Variants in FYB2 observed in about 807,000 individuals in gnomAD.
The protein encoded by FYB2 is FYN-binding protein 2.
FYB2 carries 103 observed loss-of-function variants against 94.1 expected under a neutral mutation model. That is an observed-to-expected ratio of 1.09 (90% CI 0.93 to 1.29). The LOEUF is 1.29. Among genes scored for constraint, FYB2 ranks in the 50% most tolerant of loss-of-function variants. FYB2 has a pLI of 0.00. For synonymous variants in FYB2, 293 were observed against 287.9 expected (o/e 1.02, Z -0.18); for missense variants, 896 against 841.5 (o/e 1.06, Z -0.80).
At chr1:56,803,179 T>C (rs975316874) in intron 1 of FYB2, among the ~76,000 whole-genome samples, 1 of 152,200 alleles carries the variant, frequency 6.6e-6, no homozygotes, top group Non-Finnish European at 1.5e-5. Context: ...TAAATCCTAG[T>C]GTGGTCTGAG....
At chr1:56,784,592 T>A (rs973776153) in intron 4 of FYB2, among the ~76,000 whole-genome samples, 2 of 152,208 alleles carry the variant, frequency 1.3e-5, no homozygotes, top group Non-Finnish European at 2.9e-5. Context: ...TAATGCATTT[T>A]AGGATCCAAC....
At chr1:56,806,492 G>A (rs888774786) in intron 1 of FYB2, among the ~76,000 whole-genome samples, 1 of 152,056 alleles carries the variant, frequency 6.6e-6, no homozygotes, top group Non-Finnish European at 1.5e-5. Context: ...AATAGGGCTA[G>A]GGTGGCCCCT....
chr1:56,727,951 A>G (rs1569862468), intron 15 of FYB2, among the ~76,000 whole-genome samples: 1 of 152,132 alleles, frequency 6.6e-6, no homozygotes, highest in South Asian at 2.1e-4. Flanking sequence ...CTCAAAGTGC[A>G]GTGTGCTATG....
upstream of FYB2, chr1:56,819,441 T>G: frequency 8.8e-7 from 1 of 1,130,482 alleles, no homozygotes; most frequent in Non-Finnish European, 1.3e-6. Flanking sequence ...ACCTGCCCCA[T>G]CTGGGCCGAG....
chr1:56,754,830 G>T (rs1191881054), intron 7 of FYB2, among the ~76,000 whole-genome samples: 2 of 152,028 alleles, frequency 1.3e-5, no homozygotes, highest in East Asian at 1.9e-4. Flanking sequence ...AAGAGTAAAA[G>T]CTCAATAAAT....
At chr1:56,817,292 T>C (rs1479063106) in intron 1 of FYB2, among the ~76,000 whole-genome samples, 3 of 152,230 alleles carry the variant, frequency 2.0e-5, no homozygotes, top group Non-Finnish European at 2.9e-5. Flanking sequence ...ATATCTGCTG[T>C]TACTTCTCTG....
chr1:56,801,003 C>G (rs1361727), intron 1 of FYB2, among the ~76,000 whole-genome samples: 112,879 of 152,032 alleles, frequency 0.74, 42,029 homozygotes, highest in East Asian at 0.89. Context: ...CATGAGAAAA[C>G]GAAGCTGGTC....
At chr1:56,731,267 C>T (rs1488757101) in intron 15 of FYB2, among the ~76,000 whole-genome samples, 1 of 152,092 alleles carries the variant, frequency 6.6e-6, no homozygotes, top group Non-Finnish European at 1.5e-5. Flanking sequence ...GATCTCAGAC[C>T]TACCTCTGTA....
Position 56,819,356 on chromosome 1 carries a change from C to G in FYB2, c.-66G>C. Reference sequence around the variant, plus strand: ...TCTCAGAGCTGGGTCCTGGGGCCAACAATCCGCTTTCCTCTGTCTCTGCTA... The same window carrying G: ...TCTCAGAGCTGGGTCCTGGGGCCAAGAATCCGCTTTCCTCTGTCTCTGCTA... On this transcript the variant is annotated 5_prime_UTR_variant, in exon 1 of 20. Transcript: ENST00000343433. The G allele has an allele frequency of 1.2e-6, 2 of 1,603,062 alleles. No homozygotes were observed. The highest frequency in any genetic ancestry group is 1.1e-5 in the South Asian group (1 of 90,846).
intron 1 of FYB2, among the ~76,000 whole-genome samples, chr1:56,806,822 G>A (rs1353218798): frequency 3.3e-5 from 5 of 152,172 alleles, no homozygotes; most frequent in Non-Finnish European, 7.3e-5. Flanking sequence ...TTTGTGGTGA[G>A]GGTAAGGGTT....
At chr1:56,748,933 T>C (rs1046307368) in intron 9 of FYB2, among the ~76,000 whole-genome samples, 1 of 151,990 alleles carries the variant, frequency 6.6e-6, no homozygotes, top group African/African-American at 2.4e-5. Flanking sequence ...CAACATCTTA[T>C]TTTTCTTTCA....
chr1:56,750,441 C>T (rs1645169354), intron 9 of FYB2, among the ~76,000 whole-genome samples: 1 of 151,940 alleles, frequency 6.6e-6, no homozygotes. Context: ...TACCAAGTCA[C>T]TATGATATTG....
chr1:56,737,406 C>A, intron 14 of FYB2: 1 of 291,780 alleles, frequency 3.4e-6, no homozygotes, highest in East Asian at 7.1e-5. Flanking sequence ...TATTAATTTG[C>A]TTTTACATAG....
chr1:56,756,389 C>T, intron 6 of FYB2, among the ~76,000 whole-genome samples: 1 of 151,886 alleles, frequency 6.6e-6, no homozygotes, highest in East Asian at 1.9e-4. Flanking sequence ...AGATTTGGCT[C>T]CATTAAAATT....
Position 56,720,236 on chromosome 1 carries a change from C to A in FYB2, c.2068G>T (p.Glu690Ter). The change falls in exon 18 of 20, where the codon GAA becomes TAA. Residue 690 changes from glutamate (E) to a stop codon, truncating the protein, a stop_gained. Coordinates refer to ENST00000343433, the MANE Select transcript of FYB2 (RefSeq NM_001004303.5). LOFTEE classifies it high-confidence loss of function. ...TCGGTGGTATCAATGACTTCCAATT[C>A]TTCTCCAGGACTTATTGGCAAATCA... ...IFDLPISPGE[E>*]LEVIDTTEQN... is the part of the protein sequence containing the mutation. The A allele has an allele frequency of 6.2e-7, 1 of 1,612,074 alleles. No homozygotes were observed. Among genetic ancestry groups the A allele is most frequent in the South Asian group, 1.1e-5 (1 of 90,956 alleles).
chr1:56,818,762 G>A (rs1646944449), intron 1 of FYB2, among the ~76,000 whole-genome samples: 1 of 152,082 alleles, frequency 6.6e-6, no homozygotes, highest in South Asian at 2.1e-4. Flanking sequence ...AGGGACCCAG[G>A]GCTCAGGATG....
intron 6 of FYB2, 57 bp from the exon 7 acceptor site, chr1:56,755,984 T>A: frequency 3.6e-5 from 55 of 1,541,148 alleles, no homozygotes; most frequent in Non-Finnish European, 4.9e-5. Context: ...CAGGCTCTGT[T>A]GTTTGGTTAC....
chr1:56,738,793 G>A (rs533345430), intron 13 of FYB2, 140 bp from the exon 14 acceptor site: 8 of 794,416 alleles, frequency 1.0e-5, no homozygotes, highest in African/African-American at 1.7e-5. Flanking sequence ...AGTAAAAATA[G>A]TTTCTCTGGT....
chr1:56,798,513 T>C (rs1454784435), intron 1 of FYB2, among the ~76,000 whole-genome samples: 1 of 152,128 alleles, frequency 6.6e-6, no homozygotes, highest in Non-Finnish European at 1.5e-5. Flanking sequence ...AGTAAAATAG[T>C]TAGAAGTCTG....
Sources: gnomAD v4.1 joint callset for allele counts (sites outside exome capture counted in the v4.1 genomes callset) on GRCh38, gnomAD v4.1.1 for gene constraint, MANE v1.5 for transcripts, NCBI Gene and HGNC (gene_info 2026-07-23, HGNC 2026-07-21) for gene names.